Variants in MAPKAP1 observed in about 807,000 individuals in gnomAD.
MAPKAP1 encodes the protein MAPK associated protein 1, also known as target of rapamycin complex 2 subunit MAPKAP1.
A neutral mutation model predicts 65.7 loss-of-function variants in MAPKAP1; 20 were observed. That is an observed-to-expected ratio of 0.30 (90% CI 0.21 to 0.44). The LOEUF is 0.44. MAPKAP1 is among the 20% of genes least tolerant of loss of function. The pLI, the probability that MAPKAP1 is intolerant of heterozygous loss-of-function variation, is 1.00. For synonymous variants in MAPKAP1, 222 were observed against 244.3 expected, an observed-to-expected ratio of 0.91 and a Z score of 0.85; for missense variants, 423 against 648.0, an observed-to-expected ratio of 0.65 and a Z score of 3.77.
chr9:125,645,508 G>A (rs1318775165), intron 4 of MAPKAP1, among the ~76,000 whole-genome samples: 10 of 152,124 alleles, frequency 6.6e-5, no homozygotes, highest in Admixed American at 1.3e-4. Flanking sequence ...AGGCCAAGGC[G>A]GGCAGATCAC....
At chr9:125,600,825 C>T (rs1272125920) in intron 4 of MAPKAP1, among the ~76,000 whole-genome samples, 1 of 152,138 alleles carries the variant, frequency 6.6e-6, no homozygotes, top group Non-Finnish European at 1.5e-5. Flanking sequence ...TGATGGGATT[C>T]TGTAGATCAT....
intron 7 of MAPKAP1, chr9:125,521,632 G>C (rs1048693779): frequency 1.2e-5 from 18 of 1,529,662 alleles, no homozygotes; most frequent in Non-Finnish European, 1.5e-5. Flanking sequence ...AGTAAATCCA[G>C]AGTGACAGAA....
In MAPKAP1 at chr9:125,439,065, C is replaced by A. The variant is rs1397546461; in HGVS notation, c.1444-53G>T. 1 of 1,600,098 alleles carries A rather than the reference C, an allele frequency of 6.2e-7. No individual in the cohort carries two copies. The highest frequency in any genetic ancestry group is 1.3e-5 in the African/African-American group (1 of 74,670). On this transcript the variant is annotated intron_variant, in intron 11 of 11. Coordinates refer to ENST00000265960, the MANE Select transcript of MAPKAP1 (RefSeq NM_001006617.3). This position sits in a 1 kb window ranked among gnomAD's most constrained non-coding sequence, Gnocchi z 4.0. The stretch of plus-strand genomic sequence containing the variant: ...ACCTTGCCAGCCGCTCCCTACCCAC[C>A]CAGGGCATCGGAGGGGGTGGCAGGG...
At chr9:125,453,855 C>T (rs939467562) in intron 10 of MAPKAP1, among the ~76,000 whole-genome samples, 1 of 152,186 alleles carries the variant, frequency 6.6e-6, no homozygotes, top group African/African-American at 2.4e-5. Flanking sequence ...CGATGAGAAG[C>T]CAAGCTCAGT....
At position 125,595,748 on chromosome 9, in the gene MAPKAP1, G is replaced by T; in HGVS notation, c.499-10021C>A. The T allele has an allele frequency of 7.1e-7, 1 of 1,408,708 alleles. No homozygotes were observed. The highest frequency in any genetic ancestry group is 9.9e-7 in the Non-Finnish European group (1 of 1,012,540). 87.3% of individuals were successfully genotyped at this position (1,408,708 alleles called of 1,614,324 possible). Reference sequence around the variant, plus strand: ...AGGGTTGAGCTTTGAAACAACCAATGAGAGCAAGAGGAGCCATTGTGAGCA... The same window carrying T: ...AGGGTTGAGCTTTGAAACAACCAATTAGAGCAAGAGGAGCCATTGTGAGCA... On this transcript the variant is annotated intron_variant, in intron 4 of 11. Transcript: ENST00000265960. The surrounding 1 kb of genome is among the most constrained non-coding windows in gnomAD (Gnocchi z 4.0).
At chr9:125,464,393 A>T (rs1468515404) in intron 10 of MAPKAP1, among the ~76,000 whole-genome samples, 4 of 152,148 alleles carry the variant, frequency 2.6e-5, no homozygotes, top group African/African-American at 9.7e-5. Context: ...GGGGCTTATG[A>T]CGTCTTTCAA....
intron 11 of MAPKAP1, among the ~76,000 whole-genome samples, chr9:125,443,631 G>A (rs1479560351): frequency 6.6e-6 from 1 of 152,064 alleles, no homozygotes; most frequent in African/African-American, 2.4e-5. Context: ...ATGCCAAGCA[G>A]AGCTCCTCTC....
chr9:125,491,550 G>A (rs78925035), intron 8 of MAPKAP1, among the ~76,000 whole-genome samples: 4,087 of 152,102 alleles, frequency 0.027, 186 homozygotes, highest in African/African-American at 0.094. Flanking sequence ...GCCAAGGCAG[G>A]TGAATTACTT....
At chr9:125,495,095 T>C (rs1854890841) in intron 8 of MAPKAP1, among the ~76,000 whole-genome samples, 2 of 152,232 alleles carry the variant, frequency 1.3e-5, no homozygotes, top group South Asian at 4.1e-4. Context: ...CTTTCTCCAA[T>C]ATGTCTTTGT....
At chr9:125,570,101 G>A (rs1589296404) in intron 5 of MAPKAP1, among the ~76,000 whole-genome samples, 1 of 152,218 alleles carries the variant, frequency 6.6e-6, no homozygotes, top group East Asian at 1.9e-4. Context: ...TAAGGCCTGG[G>A]GACATGTGGA....
intron 4 of MAPKAP1, among the ~76,000 whole-genome samples, chr9:125,632,036 A>G (rs1325361507): frequency 6.6e-6 from 1 of 152,100 alleles, no homozygotes; most frequent in Non-Finnish European, 1.5e-5. Flanking sequence ...CCTGGCCAAC[A>G]TGGTGAAACT....
chr9:125,515,559 A>G (rs1829436640), intron 7 of MAPKAP1, among the ~76,000 whole-genome samples: 1 of 152,236 alleles, frequency 6.6e-6, no homozygotes, highest in South Asian at 2.1e-4. Flanking sequence ...CACTCTTATC[A>G]GAGAGCCAAT....
At chr9:125,635,832 TACA>T (rs1310220609) in intron 4 of MAPKAP1, among the ~76,000 whole-genome samples, 1 of 152,238 alleles carries the variant, frequency 6.6e-6, no homozygotes, top group African/African-American at 2.4e-5. Context: ...CCTACCAGTC[TACA>T]AGTTACTTCA....
At chr9:125,501,372 C>T (rs750207989) in intron 8 of MAPKAP1, among the ~76,000 whole-genome samples, 1 of 152,118 alleles carries the variant, frequency 6.6e-6, no homozygotes, top group Non-Finnish European at 1.5e-5. Context: ...AACCCAACTT[C>T]GTAATGTTAT....
chr9:125,669,935 T>A, intron 2 of MAPKAP1, 28 bp from the exon 3 acceptor site: 1 of 1,350,996 alleles, frequency 7.4e-7, no homozygotes, highest in Non-Finnish European at 1.0e-6. Context: ...TAACTGTAAG[T>A]TTGTCAATGA....
intron 8 of MAPKAP1, among the ~76,000 whole-genome samples, chr9:125,500,046 A>T (rs181006559): frequency 1.5e-3 from 225 of 152,344 alleles, no homozygotes; most frequent in Admixed American, 3.9e-3. Context: ...CATAGTAGTT[A>T]AAAAGAAATT....
At chr9:125,562,665 A>C (rs186120478) in intron 5 of MAPKAP1, among the ~76,000 whole-genome samples, 1 of 152,358 alleles carries the variant, frequency 6.6e-6, no homozygotes, top group East Asian at 1.9e-4. Flanking sequence ...CAATACCAGC[A>C]GTATCATTAG....
intron 1 of MAPKAP1, among the ~76,000 whole-genome samples, chr9:125,695,697 T>C (rs1054740443): frequency 6.6e-6 from 1 of 152,142 alleles, no homozygotes; most frequent in African/African-American, 2.4e-5. Flanking sequence ...CTGGCCATCA[T>C]GCTTAACTGT....
intron 6 of MAPKAP1, among the ~76,000 whole-genome samples, chr9:125,552,848 A>G (rs920246027): frequency 6.6e-6 from 1 of 152,208 alleles, no homozygotes; most frequent in African/African-American, 2.4e-5. Flanking sequence ...GTCTGAACCC[A>G]AGAGTTCCAG....
Sources: allele counts gnomAD v4.1 joint callset (sites outside exome capture counted in the v4.1 genomes callset), GRCh38; gene constraint gnomAD v4.1.1; non-coding constraint Gnocchi (gnomAD v3.1); transcripts MANE v1.5; gene names NCBI Gene and HGNC (gene_info 2026-07-23, HGNC 2026-07-21).